The following PLP1 variants were observed in gnomAD, a reference collection of about 807,000 sequenced individuals.
PLP1 encodes the protein proteolipid protein 1.
PLP1 carries 2 observed loss-of-function variants against 18.5 expected under a neutral mutation model. The observed-to-expected ratio is 0.11, with a 90% CI of 0.04 to 0.34. PLP1 has a LOEUF of 0.34. PLP1 is among the 10% of genes least tolerant of loss of function. The pLI, the probability that PLP1 is intolerant of heterozygous loss-of-function variation, is 1.00. For synonymous variants in PLP1, 86 were observed against 83.2 expected, an observed-to-expected ratio of 1.03 and a Z score of -0.19; for missense variants, 105 against 207.3, an observed-to-expected ratio of 0.51 and a Z score of 3.03.
chrX:103,790,329 T>A (rs1324222136), intron 6 of PLP1, among the ~76,000 whole-genome samples, 198 bp from the exon 7 acceptor site: 1 of 113,096 alleles, frequency 8.8e-6, no homozygotes, highest in Non-Finnish European at 1.9e-5. Context: ...AGACCCATGA[T>A]GCCTCAGAGA....
chrX:103,791,665 T>C lies in PLP1; in HGVS notation c.*1067T>C, dbSNP rs1328338348. 8.8e-6 allele frequency: 1 copy of C among 113,070 alleles called. No individual in the cohort carries two copies. The highest frequency in any genetic ancestry group is 1.9e-5 in the Non-Finnish European group (1 of 53,384). 9.3% of individuals were successfully genotyped at this position (113,070 alleles called of 1,213,427 possible). On this transcript the variant is annotated 3_prime_UTR_variant, in exon 7 of 7. Transcript: ENST00000621218. ...TTGATTTGTTTTAGAATGATGCACA[T>C]TTCATGTATTCCAGTTTGTTTATTA...
At chrX:103,782,066 A>G (rs1265305675) in intron 1 of PLP1, among the ~76,000 whole-genome samples, 2 of 112,560 alleles carry the variant, frequency 1.8e-5, no homozygotes, top group Non-Finnish European at 3.7e-5. Context: ...ACTTTGATGA[A>G]AAAATAATTT....
At position 103,791,889 on chromosome X, in the gene PLP1, C is replaced by T. The variant is rs911293915; in HGVS notation, c.*1291C>T. Reference sequence around the variant, plus strand: ...TGAATCTCAATTTGAGTAATCTGATCGTTCTTTCTAGCTAATGGAAAATGA... The same window carrying T: ...TGAATCTCAATTTGAGTAATCTGATTGTTCTTTCTAGCTAATGGAAAATGA... On this transcript the variant is annotated 3_prime_UTR_variant, in exon 7 of 7. Transcript: ENST00000621218. The T allele has an allele frequency of 4.5e-5, 5 of 112,181 alleles. No individual in the cohort carries two copies. The highest frequency in any genetic ancestry group is 2.8e-4 in the East Asian group (1 of 3,575). 9.2% of individuals were successfully genotyped at this position (112,181 alleles called of 1,213,427 possible). A position where few individuals can be genotyped will look rare whatever the true frequency, so the allele number is the denominator to read the frequency against.
chrX:103,788,344 A>G, intron 4 of PLP1, 93 bp from the exon 5 acceptor site: 1 of 658,787 alleles, frequency 1.5e-6, no homozygotes. Context: ...AGCCAGGATA[A>G]TTAGAGATGG....
intron 1 of PLP1, among the ~76,000 whole-genome samples, chrX:103,784,821 A>G (rs925877826): frequency 5.4e-5 from 6 of 112,086 alleles, no homozygotes; most frequent in Non-Finnish European, 1.1e-4. Flanking sequence ...AAAGACTCCC[A>G]TATGGCAGAG....
In PLP1 at chrX:103,785,767, G is replaced by A; in HGVS notation, c.190G>A (p.Val64Met). 8.3e-7 allele frequency: 1 copy of A among 1,199,995 alleles called. No individual in the cohort carries two copies. The highest frequency in any genetic ancestry group is 1.1e-6 in the Non-Finnish European group (1 of 884,823). Reference protein sequence around the residue: ...NYQDYEYLINVIHAFQYVIYG... With the variant: ...NYQDYEYLINMIHAFQYVIYG... ...CCAAGACTATGAGTATCTCATCAAT[G>A]TGTAAGTACCTGCCCTCCCACACAG... is the stretch of plus-strand genomic sequence containing the variant. The change falls in exon 2 of 7, where the codon GTG becomes ATG. Residue 64 changes from valine to methionine, a missense_variant and splice_region_variant. By Grantham distance (21) the Val-to-Met change is conservative (BLOSUM62 1). Coordinates refer to ENST00000621218, the MANE Select transcript of PLP1 (RefSeq NM_000533.5).
At chrX:103,781,914 C>G (rs2074456773) in intron 1 of PLP1, among the ~76,000 whole-genome samples, 1 of 111,884 alleles carries the variant, frequency 8.9e-6, no homozygotes, top group African/African-American at 3.2e-5. Flanking sequence ...AAACTCACAC[C>G]CTTTCAACCA....
In PLP1 at chrX:103,790,645, A is replaced by T. The variant is rs190366376; in HGVS notation, c.*47A>T. 6.0e-5 allele frequency: 56 copies of T among 931,260 alleles called. No homozygotes were observed. The Admixed American group carries it at 1.2e-3, about 20-fold the overall frequency. 76.7% of individuals were successfully genotyped at this position (931,260 alleles called of 1,213,427 possible). ...TCTCTAATAGCGAGGCTCTAACCACACAGCCTACAATGCTGCGTCTCCCAT... is the reference window on the plus strand; with the variant it reads ...TCTCTAATAGCGAGGCTCTAACCACTCAGCCTACAATGCTGCGTCTCCCAT... On this transcript the variant is annotated 3_prime_UTR_variant, in exon 7 of 7. Transcript: ENST00000621218.
chrX:103,781,596 GC>G (rs1174189446), intron 1 of PLP1, among the ~76,000 whole-genome samples: 1 of 112,305 alleles, frequency 8.9e-6, no homozygotes, highest in African/African-American at 3.2e-5. Context: ...AAAGGGACTG[GC>G]CTTTTAATTC....
rs756334357 is a variant in PLP1, at chrX:103,786,615, C to G, written c.342C>G (p.Ser114Arg). 4 of 1,209,570 alleles carry G rather than the reference C, an allele frequency of 3.3e-6. No homozygotes were observed. The highest frequency in any genetic ancestry group is 4.5e-6 in the Non-Finnish European group (4 of 894,941). The stretch of plus-strand genomic sequence containing the variant: ...CCACCATCTGCGGCAAGGGCCTGAG[C>G]GCAACGGTAACAGGGGGCCAGAAGG... ...YKTTICGKGL[S>R]ATVTGGQKGR... The change falls in exon 3 of 7, where the codon AGC becomes AGG. Residue 114 changes from serine (S) to arginine (R), a missense_variant. By Grantham distance (110) the Ser-to-Arg change is moderately radical. Transcript: ENST00000621218.
chrX:103,785,918 T>C, intron 2 of PLP1, 150 bp downstream of exon 2: 2 of 703,257 alleles, frequency 2.8e-6, no homozygotes, highest in East Asian at 6.8e-5. Context: ...AGATCTCTCC[T>C]GCTCCACATT....
At position 103,786,492 on chromosome X, in the gene PLP1, T is replaced by C; in HGVS notation, c.219T>C (p.Tyr73=). The change falls in exon 3 of 7, where the codon TAT becomes TAC. Residue 73 remains tyrosine (Y), a synonymous_variant. Transcript: ENST00000621218. ...TCCATGCCTTCCAGTATGTCATCTA[T>C]GGAACTGCCTCTTTCTTCTTCCTTT... The part of the protein sequence containing the change: ...NVIHAFQYVI[Y]GTASFFFLYG... 8.3e-7 allele frequency: 1 copy of C among 1,209,614 alleles called. No homozygotes were observed. The highest frequency in any genetic ancestry group is 3.0e-5 in the East Asian group (1 of 33,830).
At chrX:103,789,640 C>T (rs1036058924) in intron 6 of PLP1, among the ~76,000 whole-genome samples, 1 of 111,841 alleles carries the variant, frequency 8.9e-6, no homozygotes, top group Non-Finnish European at 1.9e-5. Context: ...TTCATAGACA[C>T]GAATGATAAT....
intron 1 of PLP1, among the ~76,000 whole-genome samples, chrX:103,777,632 A>G (rs779848213): frequency 8.9e-6 from 1 of 112,072 alleles, no homozygotes; most frequent in Admixed American, 9.4e-5. Context: ...ATTTCTAGCA[A>G]ATATCACAGA....
intron 1 of PLP1, among the ~76,000 whole-genome samples, chrX:103,780,630 A>G (rs771794739): frequency 9.0e-6 from 1 of 111,583 alleles, no homozygotes; most frequent in South Asian, 3.8e-4. Flanking sequence ...CAGGCCCCAG[A>G]GACTTCGGGA....
chrX:103,779,499 A>G (rs1480836142), intron 1 of PLP1, among the ~76,000 whole-genome samples: 1 of 112,310 alleles, frequency 8.9e-6, no homozygotes, highest in Non-Finnish European at 1.9e-5. Flanking sequence ...GATCCCAGCC[A>G]GCATGTTCAC....
rs990951248 is a variant in PLP1, at chrX:103,791,490, C to T, written c.*892C>T. 8.9e-6 allele frequency: 1 copy of T among 112,176 alleles called. No individual in the cohort carries two copies. The highest frequency in any genetic ancestry group is 1.9e-5 in the Non-Finnish European group (1 of 53,183). The allele number at this position is 112,176 out of a possible 1,213,427, so 9.2% of individuals were successfully genotyped here. Reference sequence around the variant, plus strand: ...GGCTAATGGTGTAACCTGAGATGGCCCTCTGGTAGACACAGGATAGATAAC... The same window carrying T: ...GGCTAATGGTGTAACCTGAGATGGCTCTCTGGTAGACACAGGATAGATAAC... On this transcript the variant is annotated 3_prime_UTR_variant, in exon 7 of 7. Coordinates refer to ENST00000621218, the MANE Select transcript of PLP1 (RefSeq NM_000533.5).
upstream of PLP1, chrX:103,776,827 C>A: frequency 3.9e-6 from 2 of 515,120 alleles, no homozygotes; most frequent in South Asian, 3.2e-5. Flanking sequence ...GGTTGGCTGT[C>A]AATCAGAAAG....
Position 103,786,712 on chromosome X carries a change from G to A in PLP1, c.439G>A (p.Gly147Arg), listed in dbSNP as rs1161099696. 1 of 1,211,358 alleles carries A rather than the reference G, an allele frequency of 8.3e-7. No individual in the cohort carries two copies. Among genetic ancestry groups the A allele is most frequent in the East Asian group, 3.0e-5 (1 of 33,821 alleles). Reference protein sequence around the residue: ...RVCHCLGKWLGHPDKFVGITY... With the variant: ...RVCHCLGKWLRHPDKFVGITY... ...GTGTCATTGTTTGGGAAAATGGCTA[G>A]GACATCCCGACAAGGTGATCATCCT... Residue 147 changes from glycine to arginine, a missense_variant, in exon 3 of 7, where the codon GGA (glycine) becomes AGA (arginine). Transcript: ENST00000621218.
Sources: gnomAD v4.1 joint callset for allele counts (sites outside exome capture counted in the v4.1 genomes callset) on GRCh38, gnomAD v4.1.1 for gene constraint, MANE v1.5 for transcripts, NCBI Gene and HGNC (gene_info 2026-07-23, HGNC 2026-07-21) for gene names.